Variants in TMEM200A observed in about 807,000 individuals in gnomAD.
The protein encoded by TMEM200A is two transmembrane C.
Under a neutral mutation model 24.3 loss-of-function variants are expected in TMEM200A, and 12 were observed. That is an observed-to-expected ratio of 0.49 (90% confidence interval 0.32 to 0.80). The LOEUF (loss-of-function observed/expected upper bound fraction) is 0.80. Among genes scored for constraint, TMEM200A ranks in the 30% least tolerant of loss-of-function variants. TMEM200A has a pLI of 0.04. For missense variants in TMEM200A, 545 were observed against 614.4 expected, an observed-to-expected ratio of 0.89 and a Z score of 1.19; for synonymous variants, 224 against 224.4, an observed-to-expected ratio of 1.00 and a Z score of 0.02.
intron 1 of TMEM200A, among the ~76,000 whole-genome samples, chr6:130,369,273 A>C (rs996418128): frequency 6.6e-6 from 1 of 152,244 alleles, no homozygotes; most frequent in Non-Finnish European, 1.5e-5. Flanking sequence ...CAGAAAGGTG[A>C]TGAAGCTGGG....
At chr6:130,369,068 G>A in intron 1 of TMEM200A, among the ~76,000 whole-genome samples, 1 of 152,216 alleles carries the variant, frequency 6.6e-6, no homozygotes, top group East Asian at 1.9e-4. Flanking sequence ...CTTGCTAGTT[G>A]TATTGAATGG....
chr6:130,389,397 T>C (rs1283610550), intron 2 of TMEM200A, among the ~76,000 whole-genome samples: 3 of 152,044 alleles, frequency 2.0e-5, no homozygotes. Flanking sequence ...GTGTCACGTC[T>C]TCCCTCAACT....
chr6:130,407,970 G>A (rs2115150872), intron 2 of TMEM200A, among the ~76,000 whole-genome samples: 1 of 152,292 alleles, frequency 6.6e-6, no homozygotes, highest in East Asian at 1.9e-4. Context: ...TGTAGTAAAT[G>A]CCATTCATTC....
chr6:130,374,033 G>A (rs202211694), intron 1 of TMEM200A, among the ~76,000 whole-genome samples: 1 of 124,824 alleles, frequency 8.0e-6, no homozygotes, highest in East Asian at 2.3e-4. Context: ...ATTTACTTAT[G>A]TTTCTGAACA....
rs1056845858 is a variant in TMEM200A at position 130,371,953 on chromosome 6, C to T, written c.-81+5429C>T. Among the ~76,000 whole-genome samples, 8 of 152,188 alleles carry T rather than the reference C, an allele frequency of 5.3e-5. 1 individual carries two copies. Among genetic ancestry groups the T allele is most frequent in the Non-Finnish European group, 4.4e-5 (3 of 68,032 alleles). On this transcript the variant is annotated intron_variant, in intron 1 of 2. Transcript: ENST00000296978. Reference sequence around the variant, plus strand: ...AGCTAACGTTTGTAAGGCCATGCGCCTTAGATACGTAAGCTCACTAAATCT... The same window carrying T: ...AGCTAACGTTTGTAAGGCCATGCGCTTTAGATACGTAAGCTCACTAAATCT...
intron 2 of TMEM200A, among the ~76,000 whole-genome samples, chr6:130,389,960 A>G (rs960238071): frequency 9.2e-5 from 14 of 152,204 alleles, no homozygotes; most frequent in Non-Finnish European, 1.8e-4. Flanking sequence ...TCATACTGAT[A>G]ACGAAGAGTT....
intron 1 of TMEM200A, among the ~76,000 whole-genome samples, chr6:130,377,348 T>C (rs1778482898): frequency 6.6e-6 from 1 of 152,194 alleles, no homozygotes; most frequent in Non-Finnish European, 1.5e-5. Context: ...GCCATCCATC[T>C]CCAGGTAACA....
At position 130,441,012 on chromosome 6, in the gene TMEM200A, A is replaced by T. The variant is rs768513368; in HGVS notation, c.590A>T (p.Asn197Ile). ...ATGGGAGAAACAGAAGTAAAACAGA[A>T]TGGGAGCTCCTGTGCCTCGAGATTG... Reference protein sequence around the residue: ...GLMGETEVKQNGSSCASRLAA... With the variant: ...GLMGETEVKQIGSSCASRLAA... The change falls in exon 3 of 3, where the codon AAT becomes ATT. Residue 197 changes from asparagine (N) to isoleucine (I), a missense_variant. By Grantham distance (149) the Asn-to-Ile change is moderately radical (BLOSUM62 -3). Coordinates refer to ENST00000296978, the MANE Select transcript of TMEM200A (RefSeq NM_001258277.2). The T allele has an allele frequency of 3.1e-6, 5 of 1,614,002 alleles. No homozygotes were observed. Among genetic ancestry groups the T allele is most frequent in the Admixed American group, 1.7e-5 (1 of 60,012 alleles).
At chr6:130,437,473 C>T (rs1029969259) in intron 2 of TMEM200A, 4 of 152,164 alleles carry the variant, frequency 2.6e-5, no homozygotes, top group Admixed American at 2.0e-4. Flanking sequence ...TCAGGGTCTA[C>T]ATTGGGACCC....
intron 2 of TMEM200A, among the ~76,000 whole-genome samples, chr6:130,424,469 T>A (rs1481333053): frequency 1.3e-5 from 2 of 152,018 alleles, no homozygotes; most frequent in African/African-American, 2.4e-5. Flanking sequence ...TCCAGATGAA[T>A]AATTTAAAAC....
chr6:130,386,797 T>C (rs1026611838), intron 2 of TMEM200A, among the ~76,000 whole-genome samples: 2 of 152,216 alleles, frequency 1.3e-5, no homozygotes, highest in Admixed American at 6.5e-5. Flanking sequence ...TAAAACAAAT[T>C]TGCCTTGCAT....
At chr6:130,426,485 A>T (rs1378614038) in intron 2 of TMEM200A, among the ~76,000 whole-genome samples, 1 of 137,664 alleles carries the variant, frequency 7.3e-6, no homozygotes, top group Non-Finnish European at 1.6e-5. Context: ...GTTTCCCTTC[A>T]TCACAAGGCT....
chr6:130,382,911 T>G (rs2115092860), intron 1 of TMEM200A: 3 of 394,124 alleles, frequency 7.6e-6, no homozygotes, highest in Non-Finnish European at 1.0e-5. Context: ...TTTGTGTTAT[T>G]TGTGAAGTCA....
chr6:130,397,820 T>C (rs2115123903), intron 2 of TMEM200A, among the ~76,000 whole-genome samples: 1 of 151,608 alleles, frequency 6.6e-6, no homozygotes, highest in South Asian at 2.1e-4. Context: ...TCTGTTGCTT[T>C]GGAAGGTATA....
intron 2 of TMEM200A, among the ~76,000 whole-genome samples, chr6:130,420,839 G>A (rs988293127): frequency 2.0e-5 from 3 of 151,958 alleles, no homozygotes; most frequent in Admixed American, 6.6e-5. Flanking sequence ...GAAATCCCAC[G>A]CTTGTTGTCT....
intron 1 of TMEM200A, among the ~76,000 whole-genome samples, chr6:130,379,051 A>G (rs942750517): frequency 2.0e-5 from 3 of 152,182 alleles, no homozygotes; most frequent in Admixed American, 1.3e-4. Context: ...CACTCCTTCC[A>G]TAATGGCATT....
rs762979653 is a variant in TMEM200A, at chr6:130,441,229, C to T, written c.807C>T (p.Thr269=). 1.2e-6 allele frequency: 2 copies of T among 1,614,122 alleles called. No homozygotes were observed. The highest frequency in any genetic ancestry group is 1.7e-6 in the Non-Finnish European group (2 of 1,179,994). Residue 269 remains threonine (T), a synonymous_variant, in exon 3 of 3, where the codon ACC becomes ACT. Transcript: ENST00000296978. ...PPPSKTTDDK[T]SGSKKCETKS... ...CTTCCAAGACAACTGATGATAAGAC[C>T]AGCGGCTCTAAGAAATGTGAAACCA...
At chr6:130,374,776 G>A (rs1188036678) in intron 1 of TMEM200A, among the ~76,000 whole-genome samples, 4 of 152,100 alleles carry the variant, frequency 2.6e-5, no homozygotes, top group Non-Finnish European at 5.9e-5. Flanking sequence ...GTTAGTCACT[G>A]ATTGCCCAGA....
chr6:130,405,719 G>A (rs768348905), intron 2 of TMEM200A, among the ~76,000 whole-genome samples: 1 of 152,180 alleles, frequency 6.6e-6, no homozygotes, highest in Non-Finnish European at 1.5e-5. Context: ...TTTCAGCACT[G>A]CTCAGCAGCC....
Sources: gnomAD v4.1 joint callset for allele counts (sites outside exome capture counted in the v4.1 genomes callset) on GRCh38, gnomAD v4.1.1 for gene constraint, MANE v1.5 for transcripts, NCBI Gene and HGNC (gene_info 2026-07-23, HGNC 2026-07-21) for gene names.